MAPK6: variants seen among roughly 807,000 people sequenced by gnomAD.
MAPK6 encodes mitogen-activated protein kinase 6.
Under a neutral mutation model 59.3 loss-of-function variants are expected in MAPK6, and 19 were observed. That is an observed-to-expected ratio of 0.32 (90% CI 0.22 to 0.47). MAPK6 has a LOEUF of 0.47. MAPK6 is among the 20% of genes least tolerant of loss of function. MAPK6 has a pLI of 1.00. For synonymous variants in MAPK6, 316 were observed against 290.3 expected (o/e 1.09, Z -0.90); for missense variants, 724 against 847.9 (o/e 0.85, Z 1.81).
chr15:52,054,127 G>T (rs2031877623), intron 3 of MAPK6, among the ~76,000 whole-genome samples: 1 of 151,784 alleles, frequency 6.6e-6, no homozygotes, highest in Admixed American at 6.6e-5. Flanking sequence ...CAGCGCTTTG[G>T]GATGCGGAGG....
At chr15:52,031,741 C>A (rs1366042850) in intron 1 of MAPK6, among the ~76,000 whole-genome samples, 3 of 152,064 alleles carry the variant, frequency 2.0e-5, no homozygotes, top group Non-Finnish European at 4.4e-5. Flanking sequence ...CTGAGATGGT[C>A]CACCCACCTT....
At position 51,977,298 on chromosome 15, in the gene MAPK6, C is replaced by T. The variant is rs183884050; in HGVS notation, c.-880+5392C>T. Among the ~76,000 whole-genome samples, 38 of 151,656 alleles carry T rather than the reference C, an allele frequency of 2.5e-4. No homozygotes were observed. The East Asian group carries it at 4.9e-3, about 19-fold the overall frequency. ...GATTACAGACGTGAGCCACTGCGCC[C>T]GGCCGATCCATCTTAGAATTCTGTA... On this transcript the variant is annotated intron_variant, in intron 1 of 7. Transcript: ENST00000691380.
chr15:51,973,125 A>G (rs1478576716), intron 1 of MAPK6, among the ~76,000 whole-genome samples: 1 of 151,850 alleles, frequency 6.6e-6, no homozygotes, highest in Non-Finnish European at 1.5e-5. Context: ...ATTATATGAT[A>G]TATATTTTTG....
In MAPK6 at chr15:52,049,977, T is replaced by G. The variant is rs186738723; in HGVS notation, c.556-16T>G. ...CAGCTAAAGTAAAAAAAGTATGTTTTTTGTTTCTTTTATAGGGTCATCTTT... is the reference window on the plus strand; with the variant it reads ...CAGCTAAAGTAAAAAAAGTATGTTTGTTGTTTCTTTTATAGGGTCATCTTT... On this transcript the variant is annotated splice_polypyrimidine_tract_variant and intron_variant, in intron 2 of 5. Transcript: ENST00000261845. 610 of 1,605,924 alleles carry G rather than the reference T, an allele frequency of 3.8e-4. 6 individuals are homozygous for G. Among genetic ancestry groups the G allele is most frequent in the Middle Eastern group, 1.1e-3 (5 of 4,470 alleles).
intron 1 of MAPK6, among the ~76,000 whole-genome samples, chr15:52,020,343 T>G (rs929490814): frequency 5.3e-5 from 8 of 152,230 alleles, no homozygotes; most frequent in Non-Finnish European, 1.0e-4. Context: ...TTTTTTCTTT[T>G]GCTTGTTCAT....
chr15:52,042,065 AT>A (rs2031439571), intron 1 of MAPK6, among the ~76,000 whole-genome samples: 8 of 152,160 alleles, frequency 5.3e-5, no homozygotes. Context: ...GGAAACACTT[AT>A]TGGATCCACT....
chr15:52,021,337 T>G (rs1473691307), intron 1 of MAPK6: 1 of 149,490 alleles, frequency 6.7e-6, no homozygotes, highest in African/African-American at 2.5e-5. Flanking sequence ...TGATGACTCA[T>G]GCTGCCCACG....
chr15:52,055,812 G>A (rs2031958951), intron 3 of MAPK6, among the ~76,000 whole-genome samples: 1 of 152,212 alleles, frequency 6.6e-6, no homozygotes, highest in African/African-American at 2.4e-5. Flanking sequence ...ACTGCTCTCG[G>A]CTGTATTTGT....
chr15:51,987,341 C>T (rs2057194039), intron 2 of MAPK6, among the ~76,000 whole-genome samples: 2 of 152,182 alleles, frequency 1.3e-5, no homozygotes, highest in African/African-American at 4.8e-5. Flanking sequence ...CACTGTGGCT[C>T]CCACCTGTAA....
chr15:51,978,761 C>T (rs2141803571), intron 1 of MAPK6, among the ~76,000 whole-genome samples: 1 of 151,868 alleles, frequency 6.6e-6, no homozygotes, highest in East Asian at 1.9e-4. Flanking sequence ...CTAGAACTAA[C>T]TTATTCCATT....
In MAPK6 at chr15:51,976,048, C is replaced by T. The variant is rs1481246943; in HGVS notation, c.-880+4142C>T. On this transcript the variant is annotated intron_variant, in intron 1 of 7. Coordinates refer to the MAPK6 transcript ENST00000691380. ...TTGGGAGGCCGAGGCGGGCGGATCA[C>T]GAGGTCAGGAAAGCAAGACCATCCT... Among the ~76,000 whole-genome samples the T allele has an allele frequency of 5.9e-5, 9 of 151,534 alleles. 1 individual carries two copies. Among genetic ancestry groups the T allele is most frequent in the East Asian group, 3.9e-4 (2 of 5,162 alleles).
intron 4 of MAPK6, among the ~76,000 whole-genome samples, chr15:52,060,901 C>T (rs947171268): frequency 3.3e-5 from 5 of 152,150 alleles, no homozygotes; most frequent in African/African-American, 9.7e-5. Flanking sequence ...CTACTTTATG[C>T]ATGAAGAAAC....
In MAPK6 at chr15:52,067,241, G is replaced by C. The variant is rs1245226907; in HGVS notation, c.*2241G>C. 1 of 152,096 alleles carries C rather than the reference G, an allele frequency of 6.6e-6. No homozygotes were observed. The highest frequency in any genetic ancestry group is 1.5e-5 in the Non-Finnish European group (1 of 68,022). 9.4% of individuals were successfully genotyped at this position (152,096 alleles called of 1,614,324 possible). ...TGATCTGACTTGTTGGCATTAAAAA[G>C]TCCAAACATAGTCATCAAAGGAAGA... On this transcript the variant is annotated 3_prime_UTR_variant, in exon 6 of 6. Coordinates refer to ENST00000261845, the MANE Select transcript of MAPK6 (RefSeq NM_002748.4).
intron 1 of MAPK6, among the ~76,000 whole-genome samples, chr15:51,978,166 T>C (rs2057162547): frequency 6.6e-6 from 1 of 151,088 alleles, no homozygotes; most frequent in Non-Finnish European, 1.5e-5. Flanking sequence ...AGAGTCCTGC[T>C]CTGTCGCCCA....
chr15:52,048,729 G>C (rs568438662), intron 2 of MAPK6, among the ~76,000 whole-genome samples: 15 of 151,330 alleles, frequency 9.9e-5, no homozygotes, highest in Non-Finnish European at 1.5e-4. Flanking sequence ...AGGAGTTTGA[G>C]ACCAACCTGC....
chr15:51,992,270 T>TCTAC (rs1290341932), intron 2 of MAPK6, among the ~76,000 whole-genome samples: 1 of 110,868 alleles, frequency 9.0e-6, no homozygotes, highest in African/African-American at 4.1e-5. Flanking sequence ...CCCTCATTTA[T>TCTAC]CTATCTATCT....
At chr15:52,043,940 T>C (rs908057500) in intron 1 of MAPK6, among the ~76,000 whole-genome samples, 1 of 151,714 alleles carries the variant, frequency 6.6e-6, no homozygotes, top group Non-Finnish European at 1.5e-5. Flanking sequence ...CACGCCTGGC[T>C]ACTTTTTGTA....
At chr15:52,010,006 T>A (rs1384017139) in intron 3 of MAPK6, among the ~76,000 whole-genome samples, 1 of 152,016 alleles carries the variant, frequency 6.6e-6, no homozygotes, top group Non-Finnish European at 1.5e-5. Flanking sequence ...CTCCTGACCT[T>A]GTGATCCACC....
chr15:52,034,332 T>TC (rs1385638769), intron 1 of MAPK6, among the ~76,000 whole-genome samples: 1 of 151,730 alleles, frequency 6.6e-6, no homozygotes, highest in African/African-American at 2.4e-5. Flanking sequence ...CGTTTTTTTT[T>TC]TGAGACAGTC....
Sources: allele counts gnomAD v4.1 joint callset (sites outside exome capture counted in the v4.1 genomes callset), GRCh38; gene constraint gnomAD v4.1.1; transcripts MANE v1.5; gene names NCBI Gene and HGNC (gene_info 2026-07-23, HGNC 2026-07-21).